KIFAP3: variants seen among roughly 807,000 people sequenced by gnomAD.
KIFAP3 encodes the protein kinesin-associated protein 3.
Under a neutral mutation model 106.5 loss-of-function variants are expected in KIFAP3, and 68 were observed. The ratio of observed to expected loss-of-function variants is 0.64; its 90% confidence interval spans 0.53 to 0.78. The LOEUF (loss-of-function observed/expected upper bound fraction) is 0.78. Ranked by LOEUF, KIFAP3 falls within the 30% of genes least tolerant of loss-of-function variation. The probability of loss-of-function intolerance (pLI) is 0.00; values close to 1 mark genes in which losing one functional copy is unlikely to be tolerated. For synonymous variants in KIFAP3, 320 were observed against 311.5 expected (o/e 1.03, Z -0.29); for missense variants, 780 against 941.8 (o/e 0.83, Z 2.25).
intron 9 of KIFAP3, among the ~76,000 whole-genome samples, chr1:170,022,761 TCA>T (rs1223842186): frequency 6.6e-6 from 1 of 152,172 alleles, no homozygotes; most frequent in African/African-American, 2.4e-5. Flanking sequence ...TTTCTGAACC[TCA>T]GTTTTTCCTC....
In KIFAP3 at chr1:169,956,323, T is replaced by C. The variant is rs113614474; in HGVS notation, c.2174-2213A>G. Among the ~76,000 whole-genome samples the C allele has an allele frequency of 3.9e-3, 598 of 152,240 alleles. 6 individuals carry two copies. Among genetic ancestry groups the C allele is most frequent in the Non-Finnish European group, 4.2e-3 (288 of 67,998 alleles). ...TTTATACTTATAAAATATGACATAG[T>C]GAAGTGATCCAGATTAGGTAGAAAT... is the stretch of plus-strand genomic sequence containing the variant. On this transcript the variant is annotated intron_variant, in intron 18 of 19. Coordinates refer to ENST00000361580, the MANE Select transcript of KIFAP3 (RefSeq NM_014970.4).
At chr1:169,998,728 T>C (rs976898731) in intron 10 of KIFAP3, among the ~76,000 whole-genome samples, 2 of 152,248 alleles carry the variant, frequency 1.3e-5, no homozygotes, top group Non-Finnish European at 2.9e-5. Context: ...TTGATGATTC[T>C]AGTTCTATCC....
At chr1:170,028,083 A>T (rs1348591880) in intron 8 of KIFAP3, among the ~76,000 whole-genome samples, 3 of 152,132 alleles carry the variant, frequency 2.0e-5, no homozygotes, top group Admixed American at 6.5e-5. Flanking sequence ...AAATATTTTT[A>T]AAATGAGACT....
intron 3 of KIFAP3, among the ~76,000 whole-genome samples, chr1:170,040,423 T>C (rs1193570214): frequency 2.6e-5 from 4 of 152,178 alleles, no homozygotes; most frequent in African/African-American, 9.6e-5. Flanking sequence ...ATTTTATCCA[T>C]GTATGATGAC....
intron 1 of KIFAP3, among the ~76,000 whole-genome samples, chr1:170,067,001 A>T (rs1024055192): frequency 6.6e-6 from 1 of 152,132 alleles, no homozygotes; most frequent in African/African-American, 2.4e-5. Flanking sequence ...CTTCAGAAAA[A>T]ACTAGATAAT....
rs549381274 is a variant in KIFAP3, at chr1:169,998,969, G to A, written c.1184-6714C>T. On this transcript the variant is annotated intron_variant, in intron 10 of 19. Transcript: ENST00000361580. ...AATTGAGTACGTGGAGGGGGAAGATGTCTGGCAATAACCTGAATTCATCTA... is the reference window on the plus strand; with the variant it reads ...AATTGAGTACGTGGAGGGGGAAGATATCTGGCAATAACCTGAATTCATCTA... 3.3e-5 allele frequency among the ~76,000 whole-genome samples: 5 copies of A among 152,302 alleles called. No homozygotes were observed. The South Asian group carries it at 1.0e-3, about 32-fold the overall frequency.
chr1:169,928,744 T>TG (rs1357596580), intron 19 of KIFAP3, among the ~76,000 whole-genome samples: 2 of 142,614 alleles, frequency 1.4e-5, no homozygotes, highest in African/African-American at 5.2e-5. Context: ...CTTTACGAGT[T>TG]GGGGACTGAG....
At chr1:170,064,885 AC>A (rs1434255054) in intron 1 of KIFAP3, among the ~76,000 whole-genome samples, 1 of 152,222 alleles carries the variant, frequency 6.6e-6, no homozygotes, top group Non-Finnish European at 1.5e-5. Context: ...GTCTTAAAGC[AC>A]TGTTAGATTA....
rs1304400886 is a variant in KIFAP3 at position 170,034,465 on chromosome 1, A to G, written c.649T>C (p.Tyr217His). 3.3e-6 allele frequency: 5 copies of G among 1,523,016 alleles called. No individual in the cohort carries two copies. Among genetic ancestry groups the G allele is most frequent in the Non-Finnish European group, 3.6e-6 (4 of 1,104,194 alleles). The allele number at this position is 1,523,016 out of a possible 1,614,324, so 94.3% of individuals were successfully genotyped here. A position where few individuals can be genotyped will look rare whatever the true frequency, so the allele number is the denominator to read the frequency against. Reference protein sequence around the residue: ...FSQFHGLITHYKIGALCMNII... With the variant: ...FSQFHGLITHHKIGALCMNII... ...TTCATACACAGAGCTCCAATTTTAT[A>G]GTGAGTAATAAGTCCATGAAATTGA... Residue 217 changes from tyrosine (Y) to histidine (H), a missense_variant, in exon 7 of 20, where the codon TAT (tyrosine) becomes CAT (histidine). Tyr to His is a moderately conservative substitution (Grantham distance 83). Coordinates refer to ENST00000361580, the MANE Select transcript of KIFAP3 (RefSeq NM_014970.4).
At chr1:169,993,918 A>C (rs929882597) in intron 10 of KIFAP3, among the ~76,000 whole-genome samples, 3 of 152,066 alleles carry the variant, frequency 2.0e-5, no homozygotes, top group East Asian at 1.9e-4. Flanking sequence ...GTGATCTTCT[A>C]TCTCTCAAAT....
At chr1:170,045,840 C>G (rs1670218648) in intron 3 of KIFAP3, among the ~76,000 whole-genome samples, 1 of 152,148 alleles carries the variant, frequency 6.6e-6, no homozygotes, top group South Asian at 2.1e-4. Context: ...TTGCTAAAGT[C>G]ACATAGCACT....
intron 17 of KIFAP3, among the ~76,000 whole-genome samples, chr1:169,966,876 T>C (rs1665660418): frequency 6.6e-6 from 1 of 151,848 alleles, no homozygotes; most frequent in South Asian, 2.1e-4. Flanking sequence ...GAATGAAATA[T>C]GCCATAAGGA....
chr1:169,989,293 A>C (rs912572753), intron 11 of KIFAP3, among the ~76,000 whole-genome samples: 7 of 151,600 alleles, frequency 4.6e-5, no homozygotes, highest in Non-Finnish European at 8.9e-5. Context: ...TCAAAATTCT[A>C]TAAGTAAGTT....
At position 169,997,871 on chromosome 1, in the gene KIFAP3, AAAAAAAAAAAAG is replaced by A. The variant is rs1401614643; in HGVS notation, c.1184-5628_1184-5617del. Among the ~76,000 whole-genome samples, 94 of 43,768 alleles carry A rather than the reference AAAAAAAAAAAAG, an allele frequency of 2.1e-3. No individual in the cohort carries two copies. The African/African-American group carries it at 0.023, about 11-fold the overall frequency. 28.7% of individuals were successfully genotyped at this position (43,768 alleles called of 152,430 possible). On this transcript the variant is annotated intron_variant, in intron 10 of 19. Coordinates refer to ENST00000361580, the MANE Select transcript of KIFAP3 (RefSeq NM_014970.4). Reference sequence around the variant, plus strand: ...GGCAGCTGAGTGAGACGTCTCAAAAAAAAAAAAAAAAGAAAAAAAAAAGGATAAAAAAAAAAA... The same window carrying A: ...GGCAGCTGAGTGAGACGTCTCAAAAAAAAAAAAAAAGGATAAAAAAAAAAA...
Position 170,038,375 on chromosome 1 carries a change from T to C in KIFAP3, c.432A>G (p.Glu144=). 4.4e-6 allele frequency: 7 copies of C among 1,607,960 alleles called. No individual in the cohort carries two copies. Among genetic ancestry groups the C allele is most frequent in the Non-Finnish European group, 5.9e-6 (7 of 1,178,394 alleles). Residue 144 remains glutamate (E), a synonymous_variant, in exon 5 of 20, where the codon GAA becomes GAG. Transcript: ENST00000361580. ...AACCCCGAACTTTGTCAGGAATATCTTCATATAATAACTCAATATATTCAT... is the reference window on the plus strand; with the variant it reads ...AACCCCGAACTTTGTCAGGAATATCCTCATATAATAACTCAATATATTCAT... The part of the protein sequence containing the change: ...DMDEYIELLY[E]DIPDKVRGSA...
intron 18 of KIFAP3, 77 bp downstream of exon 18, chr1:169,960,969 G>T: frequency 9.3e-7 from 1 of 1,073,638 alleles, no homozygotes; most frequent in African/African-American, 1.6e-5. Context: ...ATTAAGCTTG[G>T]GAATGTGCAA....
chr1:170,036,064 T>A (rs1403913243), intron 5 of KIFAP3, among the ~76,000 whole-genome samples: 1 of 152,032 alleles, frequency 6.6e-6, no homozygotes, highest in South Asian at 2.1e-4. Context: ...AATATTTCAG[T>A]ATCACACTGA....
intron 8 of KIFAP3, among the ~76,000 whole-genome samples, chr1:170,026,660 ACTGAG>A (rs905960973): frequency 1.6e-4 from 25 of 152,158 alleles, no homozygotes; most frequent in African/African-American, 5.5e-4. Flanking sequence ...TCCCTCAAAT[ACTGAG>A]TTGAGTATTG....
rs1571746336 is a variant in KIFAP3 at position 170,057,207 on chromosome 1, G to C, written c.33-1771C>G. Among the ~76,000 whole-genome samples, 6 of 152,176 alleles carry C rather than the reference G, an allele frequency of 3.9e-5. No homozygotes were observed. The South Asian group carries it at 1.0e-3, about 26-fold the overall frequency. On this transcript the variant is annotated intron_variant, in intron 1 of 19. Transcript: ENST00000361580. Reference sequence around the variant, plus strand: ...TATATAAATGCAGATCCTTAGACTAGCCTCCTATTACCACTTTAAAATGGG... The same window carrying C: ...TATATAAATGCAGATCCTTAGACTACCCTCCTATTACCACTTTAAAATGGG...
Sources: gnomAD v4.1 joint callset for allele counts (sites outside exome capture counted in the v4.1 genomes callset) on GRCh38, gnomAD v4.1.1 for gene constraint, MANE v1.5 for transcripts, NCBI Gene and HGNC (gene_info 2026-07-23, HGNC 2026-07-21) for gene names.